LETM1: variants seen among roughly 807,000 people sequenced by gnomAD.
LETM1 encodes the protein mitochondrial proton/calcium exchanger protein.
LETM1 carries 50 observed loss-of-function variants against 74.5 expected under a neutral mutation model. The observed-to-expected ratio is 0.67, with a 90% CI of 0.53 to 0.85. LETM1 has a LOEUF of 0.85. Ranked by LOEUF, LETM1 falls within the 40% of genes least tolerant of loss-of-function variation. LETM1 has a pLI of 0.00. For synonymous variants in LETM1, 446 were observed against 407.1 expected (o/e 1.10, Z -1.15); for missense variants, 824 against 967.8 (o/e 0.85, Z 1.97).
intron 10 of LETM1, among the ~76,000 whole-genome samples, chr4:1,820,627 A>G (rs373820921): frequency 6.6e-6 from 1 of 152,252 alleles, no homozygotes; most frequent in East Asian, 1.9e-4. Context: ...GGACATCTGC[A>G]TATCAGGAAC....
At chr4:1,838,514 GA>G (rs1712567806) in intron 3 of LETM1, among the ~76,000 whole-genome samples, 1 of 151,954 alleles carries the variant, frequency 6.6e-6, no homozygotes, top group African/African-American at 2.4e-5. Flanking sequence ...CAGTCTCTAC[GA>G]AAAATTTAAA....
In LETM1 at chr4:1,811,519, T is replaced by C. The variant is rs992947662; in HGVS notation, c.*2905A>G. On this transcript the variant is annotated 3_prime_UTR_variant, in exon 14 of 14. Transcript: ENST00000302787. ...TTTGATGTTTTAATAAAAATACGAT[T>C]TCTACAAAAGGTGCTTAACACGGCC... The C allele has an allele frequency of 6.6e-6, 1 of 152,398 alleles. No homozygotes were observed. Among genetic ancestry groups the C allele is most frequent in the African/African-American group, 2.4e-5 (1 of 41,460 alleles). 9.4% of individuals were successfully genotyped at this position (152,398 alleles called of 1,614,324 possible).
intron 12 of LETM1, 119 bp from the exon 13 acceptor site, chr4:1,815,921 GCAA>G: frequency 8.4e-7 from 1 of 1,195,496 alleles, no homozygotes; most frequent in Non-Finnish European, 1.2e-6. Flanking sequence ...CGTGAGCCAG[GCAA>G]CCTCCAGCAC....
chr4:1,834,749 G>T lies in LETM1; in HGVS notation c.876+96C>A. The stretch of plus-strand genomic sequence containing the variant: ...AACTTTCAAGCGCCAGCCAGCACCT[G>T]GGGGAGCTCCACTCTGCTGAGCACA... On this transcript the variant is annotated intron_variant, in intron 5 of 13. Coordinates refer to ENST00000302787, the MANE Select transcript of LETM1 (RefSeq NM_012318.3). This position sits in a 1 kb window ranked among gnomAD's most constrained non-coding sequence, Gnocchi z 5.0. The T allele has an allele frequency of 1.9e-6, 3 of 1,551,094 alleles. No individual in the cohort carries two copies. The highest frequency in any genetic ancestry group is 2.6e-6 in the Non-Finnish European group (3 of 1,147,038).
chr4:1,822,646 G>A (rs533078390), intron 9 of LETM1: 30 of 343,498 alleles, frequency 8.7e-5, no homozygotes, highest in Non-Finnish European at 1.4e-4. Flanking sequence ...GCGTTGAAGA[G>A]GAGCCCAGAG....
Position 1,814,526 on chromosome 4 carries a change from C to G in LETM1, c.2118G>C (p.Gln706His). 6.2e-7 allele frequency: 1 copy of G among 1,614,012 alleles called. No homozygotes were observed. Among genetic ancestry groups the G allele is most frequent in the Non-Finnish European group, 8.5e-7 (1 of 1,179,914 alleles). Residue 706 changes from glutamine (Q) to histidine (H), a missense_variant, in exon 14 of 14, where the codon CAG becomes CAC. Gln to His is a conservative substitution (Grantham distance 24). Around this residue, in one of 4 missense-constraint regions of LETM1, gnomAD observed 161 missense variants for 252.7 expected, o/e 0.64. Coordinates refer to ENST00000302787, the MANE Select transcript of LETM1 (RefSeq NM_012318.3). ...CCAGTGTTGCTACAATCTCAGCCAC[C>G]TGGCTGGTGGAGATGTGAACATCTT... Reference protein sequence around the residue: ...DKEDVHISTSQVAEIVATLEK... With the variant: ...DKEDVHISTSHVAEIVATLEK...
chr4:1,818,743 C>T (rs372935784), intron 11 of LETM1, among the ~76,000 whole-genome samples: 13 of 152,202 alleles, frequency 8.5e-5, no homozygotes, highest in South Asian at 8.3e-4. Flanking sequence ...AATAAGATCT[C>T]GTCAAGTGAC....
chr4:1,841,436 G>A lies in LETM1; in HGVS notation c.505C>T (p.Arg169Cys), dbSNP rs754980501. 18 of 1,614,130 alleles carry A rather than the reference G, an allele frequency of 1.1e-5. No individual in the cohort carries two copies. The highest frequency in any genetic ancestry group is 6.6e-5 in the South Asian group (6 of 91,094). The change falls in exon 3 of 14, where the codon CGC (arginine) becomes TGC (cysteine). Residue 169 changes from arginine (R) to cysteine (C), a missense_variant. Arg to Cys is a radical substitution (Grantham distance 180). Transcript: ENST00000302787. ...DELKHYYHGF[R>C]LLWIDTKIAA... ...ATCTTGGTGTCGATCCATAGCAGGCGGAAGCCATGGTAGTAGTGCTTCAGC... is the reference window on the plus strand; with the variant it reads ...ATCTTGGTGTCGATCCATAGCAGGCAGAAGCCATGGTAGTAGTGCTTCAGC...
In LETM1 at chr4:1,856,139, C is replaced by A. The variant is rs1229039674; in HGVS notation, c.-189G>T. 6.0e-6 allele frequency: 2 copies of A among 332,126 alleles called. No homozygotes were observed. Among genetic ancestry groups the A allele is most frequent in the African/African-American group, 2.2e-5 (1 of 45,988 alleles). 20.6% of individuals were successfully genotyped at this position (332,126 alleles called of 1,614,324 possible). On this transcript the variant is annotated 5_prime_UTR_variant, in exon 1 of 14. Coordinates refer to ENST00000302787, the MANE Select transcript of LETM1 (RefSeq NM_012318.3). ...AGCGGCGGCCTTGTCCCGGCACAGA[C>A]GTCCGGAGGCGCGGGGCGGGGCGGC...
chr4:1,814,902 G>T (rs891534365), intron 13 of LETM1, among the ~76,000 whole-genome samples: 2 of 152,178 alleles, frequency 1.3e-5, no homozygotes, highest in Non-Finnish European at 2.9e-5. Context: ...GACATGCAGG[G>T]ACCTTGTCCC....
In LETM1 at chr4:1,819,346, A is replaced by G; in HGVS notation, c.1735T>C (p.Tyr579His). Residue 579 changes from tyrosine to histidine, a missense_variant, in exon 11 of 14, where the codon TAC becomes CAC. Around this residue, in one of 4 missense-constraint regions of LETM1, gnomAD observed 161 missense variants for 252.7 expected, o/e 0.64. Transcript: ENST00000302787. The part of the protein sequence containing the change: ...LELLKEDVQD[Y>H]SEDLQEIKKE... ...GAGCAAATCCCACCCACCTCGCTGT[A>G]GTCCTGCACATCCTCCTTCAGCAGC... The G allele has an allele frequency of 6.2e-7, 1 of 1,610,848 alleles. No individual in the cohort carries two copies. Among genetic ancestry groups the G allele is most frequent in the Non-Finnish European group, 8.5e-7 (1 of 1,179,010 alleles).
At chr4:1,820,555 G>A (rs1446355377) in intron 10 of LETM1, among the ~76,000 whole-genome samples, 1 of 152,196 alleles carries the variant, frequency 6.6e-6, no homozygotes, top group South Asian at 2.1e-4. Flanking sequence ...TGAGGGTGAC[G>A]GCAGCTGGAG....
rs532865072 is a variant in LETM1, at chr4:1,852,708, G to C, written c.82+3161C>G. Among the ~76,000 whole-genome samples, 7 of 152,276 alleles carry C rather than the reference G, an allele frequency of 4.6e-5. No individual in the cohort carries two copies. The South Asian group carries it at 1.5e-3, about 32-fold the overall frequency. On this transcript the variant is annotated intron_variant, in intron 1 of 13. Transcript: ENST00000302787. ...GGCAGGTGGATCGCTGTTGAGCTCA[G>C]GAGTTAAGCCTGAGCAACAGAGACC...
chr4:1,854,094 T>C (rs1420428649), intron 1 of LETM1, among the ~76,000 whole-genome samples: 1 of 152,202 alleles, frequency 6.6e-6, no homozygotes, highest in Non-Finnish European at 1.5e-5. Context: ...AAAGACCACA[T>C]GCTGAGCTCC....
Position 1,836,355 on chromosome 4 carries a change from A to G in LETM1, c.738+74T>C. 6.8e-7 allele frequency: 1 copy of G among 1,477,252 alleles called. No homozygotes were observed. The allele number at this position is 1,477,252 out of a possible 1,614,324, so 91.5% of individuals were successfully genotyped here. A position where few individuals can be genotyped will look rare whatever the true frequency, so the allele number is the denominator to read the frequency against. ...TCTCAAAAATATCTAGCACCTGAAA[A>G]GTCACAAACAAGGAAGCCATCACAA... On this transcript the variant is annotated intron_variant, in intron 4 of 13. Transcript: ENST00000302787. The surrounding 1 kb of genome is among the most constrained non-coding windows in gnomAD (Gnocchi z 5.8).
chr4:1,841,487 A>T lies in LETM1; in HGVS notation c.454T>A (p.Ser152Thr), dbSNP rs1577323781. The change falls in exon 3 of 14, where the codon TCC becomes ACC. Residue 152 changes from serine to threonine, a missense_variant. Physicochemically the swap from Ser to Thr is moderately conservative, Grantham distance 58. Transcript: ENST00000302787. The part of the protein sequence containing the change: ...SPPAEVVVKK[S>T]LGQRVLDELK... ...TCGTCCAGCACCCGCTGCCCCAGGGACTTCTTCACCACCACCTCTGCGGGG... is the reference window on the plus strand; with the variant it reads ...TCGTCCAGCACCCGCTGCCCCAGGGTCTTCTTCACCACCACCTCTGCGGGG... The T allele has an allele frequency of 1.2e-6, 2 of 1,614,194 alleles. No homozygotes were observed. The highest frequency in any genetic ancestry group is 2.7e-5 in the African/African-American group (2 of 75,036).
chr4:1,815,863 G>GC, intron 12 of LETM1, 61 bp from the exon 13 acceptor site: 1 of 1,591,242 alleles, frequency 6.3e-7, no homozygotes, highest in Non-Finnish European at 8.6e-7. Flanking sequence ...GGGCCTCACT[G>GC]CCCACACCTG....
At position 1,830,708 on chromosome 4, in the gene LETM1, T is replaced by A. The variant is rs575797243; in HGVS notation, c.1080+2036A>T. ...TTCTTTCTTTGCCCAGATCTGTTTT[T>A]CACATGTTCTGCTCTGTTGTGGCTT... On this transcript the variant is annotated intron_variant, in intron 6 of 13. Coordinates refer to ENST00000302787, the MANE Select transcript of LETM1 (RefSeq NM_012318.3). Among the ~76,000 whole-genome samples the A allele has an allele frequency of 9.8e-5, 15 of 152,322 alleles. No individual in the cohort carries two copies. The East Asian group carries it at 2.9e-3, about 29-fold the overall frequency.
At chr4:1,839,716 G>A (rs938238059) in intron 3 of LETM1, among the ~76,000 whole-genome samples, 2 of 152,102 alleles carry the variant, frequency 1.3e-5, no homozygotes, top group African/African-American at 2.4e-5. Flanking sequence ...CCAACTTCCT[G>A]ACTATGGGTT....
Sources: allele counts gnomAD v4.1 joint callset (sites outside exome capture counted in the v4.1 genomes callset), GRCh38; gene constraint gnomAD v4.1.1; regional missense constraint gnomAD v4.1.1; non-coding constraint Gnocchi (gnomAD v3.1); transcripts MANE v1.5; gene names NCBI Gene and HGNC (gene_info 2026-07-23, HGNC 2026-07-21).